Variants in ENPP1 observed in about 807,000 individuals in gnomAD.
ENPP1 encodes ectonucleotide pyrophosphatase/phosphodiesterase 1.
A neutral mutation model predicts 122.8 loss-of-function variants in ENPP1; 73 were observed. The ratio of observed to expected loss-of-function variants is 0.59; its 90% CI spans 0.49 to 0.72. The LOEUF is 0.72. Among genes scored for constraint, ENPP1 ranks in the 30% least tolerant of loss-of-function variants. The pLI is 0.00. For synonymous variants in ENPP1, 367 were observed against 391.6 expected, an observed-to-expected ratio of 0.94 and a Z score of 0.74; for missense variants, 978 against 1,128.1, an observed-to-expected ratio of 0.87 and a Z score of 1.91.
intron 5 of ENPP1, among the ~76,000 whole-genome samples, chr6:131,853,941 T>A (rs540383493): frequency 8.4e-4 from 128 of 152,350 alleles, no homozygotes; most frequent in African/African-American, 3.0e-3. Flanking sequence ...TTTTTGAAAT[T>A]TCCACACTAC....
rs1782485444 is a variant in ENPP1, at chr6:131,892,604, T to C, written c.*2093T>C. ...GCCTTCTCCGACACCACTCTGGAGTTGTATTCTTCCAGCACACAAACATAC... is the reference window on the plus strand; with the variant it reads ...GCCTTCTCCGACACCACTCTGGAGTCGTATTCTTCCAGCACACAAACATAC... On this transcript the variant is annotated 3_prime_UTR_variant, in exon 25 of 25. Coordinates refer to ENST00000647893, the MANE Select transcript of ENPP1 (RefSeq NM_006208.3). 6.6e-6 allele frequency: 1 copy of C among 152,198 alleles called. No individual in the cohort carries two copies. Among genetic ancestry groups the C allele is most frequent in the Non-Finnish European group, 1.5e-5 (1 of 68,048 alleles). 9.4% of individuals were successfully genotyped at this position (152,198 alleles called of 1,614,324 possible).
chr6:131,817,318 T>G (rs1781427028), intron 1 of ENPP1, among the ~76,000 whole-genome samples: 1 of 152,214 alleles, frequency 6.6e-6, no homozygotes, highest in Non-Finnish European at 1.5e-5. Flanking sequence ...CAATGTGTAA[T>G]TAGAACCTAA....
At chr6:131,814,468 A>G (rs1002303094) in intron 1 of ENPP1, among the ~76,000 whole-genome samples, 1 of 152,196 alleles carries the variant, frequency 6.6e-6, no homozygotes, top group Non-Finnish European at 1.5e-5. Context: ...AGTTTGAGGA[A>G]TACAACCCAG....
At chr6:131,826,681 T>G in intron 1 of ENPP1, 1 of 677,034 alleles carries the variant, frequency 1.5e-6, no homozygotes. Flanking sequence ...TTTGCTTCCC[T>G]CATTATCAAG....
Position 131,882,473 on chromosome 6 carries a change from A to G in ENPP1, c.2229A>G (p.Pro743=), listed in dbSNP as rs1782324108. The G allele has an allele frequency of 6.2e-7, 1 of 1,604,210 alleles. No homozygotes were observed. Among genetic ancestry groups the G allele is most frequent in the Non-Finnish European group, 8.5e-7 (1 of 1,174,184 alleles). The part of the protein sequence containing the change: ...TKVSYGFLSP[P]QLNKNSSGIY... ...TGAGTTACGGGTTCCTCTCCCCACC[A>G]CGTAAGTTTTTTCCTCTCCTGACCT... Residue 743 remains proline (P), a splice_region_variant and synonymous_variant, in exon 21 of 25, where the codon CCA becomes CCG. Coordinates refer to ENST00000647893, the MANE Select transcript of ENPP1 (RefSeq NM_006208.3).
Position 131,883,715 on chromosome 6 carries a change from G to T in ENPP1, c.2252G>T (p.Gly751Val). 6.7e-7 allele frequency: 1 copy of T among 1,502,486 alleles called. No homozygotes were observed. 93.1% of individuals were successfully genotyped at this position (1,502,486 alleles called of 1,614,324 possible). The change falls in exon 22 of 25, where the codon GGA becomes GTA. Residue 751 changes from glycine (G) to valine (V), a missense_variant. This residue lies in a region of ENPP1 where 644 missense variants were observed against 781.5 expected (regional missense o/e 0.82). Coordinates refer to ENST00000647893, the MANE Select transcript of ENPP1 (RefSeq NM_006208.3). ...GTAGAACTAAATAAAAATTCAAGTGGAATATATTCTGAAGCTTTGCTTACT... is the reference window on the plus strand; with the variant it reads ...GTAGAACTAAATAAAAATTCAAGTGTAATATATTCTGAAGCTTTGCTTACT... The part of the protein sequence containing the change: ...SPPQLNKNSS[G>V]IYSEALLTTN...
At chr6:131,827,124 A>C (rs1211624581) in intron 1 of ENPP1, 5 of 708,146 alleles carry the variant, frequency 7.1e-6, no homozygotes, top group Non-Finnish European at 1.1e-5. Context: ...ATTTGTCTGG[A>C]AGACTGTTGA....
chr6:131,855,467 A>AGG (rs1781933701), intron 6 of ENPP1, among the ~76,000 whole-genome samples: 1 of 152,088 alleles, frequency 6.6e-6, no homozygotes, highest in Non-Finnish European at 1.5e-5. Flanking sequence ...CTGGGATTTC[A>AGG]AGCACATGAC....
At position 131,888,128 on chromosome 6, in the gene ENPP1, C is replaced by T. The variant is rs111771488; in HGVS notation, c.2607+1404C>T. 2.1e-3 allele frequency among the ~76,000 whole-genome samples: 312 copies of T among 152,018 alleles called. 1 individual carries two copies. Among genetic ancestry groups the T allele is most frequent in the African/African-American group, 6.8e-3 (284 of 41,480 alleles). On this transcript the variant is annotated intron_variant, in intron 24 of 24. Transcript: ENST00000647893. Reference sequence around the variant, plus strand: ...CTGCTGGCCTTAGCCTCCCAAAGTGCGGGGGTTACAGTCATGAGCCACTGT... The same window carrying T: ...CTGCTGGCCTTAGCCTCCCAAAGTGTGGGGGTTACAGTCATGAGCCACTGT...
At position 131,853,847 on chromosome 6, in the gene ENPP1, C is replaced by A. The variant is rs1037160004; in HGVS notation, c.618-1079C>A. Among the ~76,000 whole-genome samples, 12 of 152,168 alleles carry A rather than the reference C, an allele frequency of 7.9e-5. 1 individual carries two copies. Among genetic ancestry groups the A allele is most frequent in the Admixed American group, 5.2e-4 (8 of 15,284 alleles). ...TGCTGAAAAATTTCTGAGCCATGGC[C>A]GTTTTGGGGTAGCCACATGGCCATT... On this transcript the variant is annotated intron_variant, in intron 5 of 24. Transcript: ENST00000647893.
intron 18 of ENPP1, among the ~76,000 whole-genome samples, chr6:131,878,117 AG>A (rs1782258979): frequency 6.6e-6 from 1 of 151,664 alleles, no homozygotes; most frequent in African/African-American, 2.4e-5. Flanking sequence ...ACTTCTGTCC[AG>A]GCATGGTGTA....
rs760395121 is a variant in ENPP1, at chr6:131,851,284, G to T, written c.556+17G>T. On this transcript the variant is annotated intron_variant, in intron 4 of 24. Transcript: ENST00000647893. Reference sequence around the variant, plus strand: ...TGTGTCAAGGTCAGGTGCTCGTTGGGCTCTGCAGCAGCCTGGTATCTTCCA... The same window carrying T: ...TGTGTCAAGGTCAGGTGCTCGTTGGTCTCTGCAGCAGCCTGGTATCTTCCA... 19 of 1,613,904 alleles carry T rather than the reference G, an allele frequency of 1.2e-5. No homozygotes were observed. Among genetic ancestry groups the T allele is most frequent in the Non-Finnish European group, 1.6e-5 (19 of 1,179,948 alleles).
chr6:131,889,492 T>C (rs963570637), intron 24 of ENPP1, among the ~76,000 whole-genome samples: 10 of 152,182 alleles, frequency 6.6e-5, no homozygotes, highest in Non-Finnish European at 1.3e-4. Flanking sequence ...GTTTCGATTT[T>C]CTGTTTCTGC....
intron 1 of ENPP1, among the ~76,000 whole-genome samples, chr6:131,809,130 G>A (rs895872554): frequency 1.3e-5 from 2 of 152,018 alleles, no homozygotes; most frequent in African/African-American, 2.4e-5. Flanking sequence ...GCATTGCATG[G>A]GATTATTGTG....
At chr6:131,851,095 T>C (rs1447342349) in intron 3 of ENPP1, 47 bp from the exon 4 acceptor site, 3 of 1,606,640 alleles carry the variant, frequency 1.9e-6, no homozygotes, top group Admixed American at 3.3e-5. Flanking sequence ...ACTTTGGACA[T>C]GTTGAATTTG....
chr6:131,867,300 C>T (rs1782103293), intron 11 of ENPP1, among the ~76,000 whole-genome samples: 1 of 152,096 alleles, frequency 6.6e-6, no homozygotes, highest in Non-Finnish European at 1.5e-5. Flanking sequence ...ACAGAAAATA[C>T]ACAAAACTGC....
chr6:131,832,523 C>T (rs1781626943), intron 1 of ENPP1, among the ~76,000 whole-genome samples: 1 of 152,152 alleles, frequency 6.6e-6, no homozygotes, highest in Admixed American at 6.5e-5. Flanking sequence ...GGCAGGGAGC[C>T]ATCTTGGTTT....
At chr6:131,877,288 T>C in intron 18 of ENPP1, 127 bp downstream of exon 18, 1 of 885,792 alleles carries the variant, frequency 1.1e-6, no homozygotes, top group Non-Finnish European at 1.8e-6. Context: ...ACATATGTTT[T>C]AATTCTAGGG....
chr6:131,852,314 T>C, intron 5 of ENPP1, 79 bp downstream of exon 5: 2 of 849,202 alleles, frequency 2.4e-6, no homozygotes, highest in East Asian at 2.5e-5. Flanking sequence ...ATTAAGATGA[T>C]AAAAATAATA....
Sources: gnomAD v4.1 joint callset for allele counts (sites outside exome capture counted in the v4.1 genomes callset) on GRCh38, gnomAD v4.1.1 for gene constraint, gnomAD v4.1.1 regional missense constraint, MANE v1.5 for transcripts, NCBI Gene and HGNC (gene_info 2026-07-23, HGNC 2026-07-21) for gene names.